The following STEAP4 variants were observed in gnomAD, a reference collection of about 807,000 sequenced individuals.
STEAP4 encodes metalloreductase STEAP4.
Under a neutral mutation model 43.6 loss-of-function variants are expected in STEAP4, and 36 were observed. The ratio of observed to expected loss-of-function variants is 0.83; its 90% CI spans 0.63 to 1.09. STEAP4 has a LOEUF of 1.09. Ranked by LOEUF, STEAP4 falls within the 50% of genes least tolerant of loss-of-function variation. STEAP4 has a pLI of 0.00. For synonymous variants in STEAP4, 191 were observed against 196.7 expected (o/e 0.97, Z 0.24); for missense variants, 495 against 546.5 (o/e 0.91, Z 0.94).
At chr7:88,299,872 G>A (rs1346214489) in intron 1 of STEAP4, among the ~76,000 whole-genome samples, 1 of 152,158 alleles carries the variant, frequency 6.6e-6, no homozygotes, top group Non-Finnish European at 1.5e-5. Context: ...TCTGCTTTAA[G>A]GTATCTCCCA....
At chr7:88,298,564 A>G (rs1040968644) in intron 1 of STEAP4, among the ~76,000 whole-genome samples, 8 of 151,470 alleles carry the variant, frequency 5.3e-5, no homozygotes, top group African/African-American at 1.7e-4. Context: ...AGCTTATCCA[A>G]ACTAATTTTC....
chr7:88,298,460 C>G (rs925392251), intron 1 of STEAP4: 8 of 128,922 alleles, frequency 6.2e-5, no homozygotes, highest in African/African-American at 2.5e-4. Context: ...CAAACTGGTT[C>G]TTGTAAACAC....
At chr7:88,284,364 CTTG>C in intron 1 of STEAP4, 93 bp from the exon 2 acceptor site, 2 of 934,530 alleles carry the variant, frequency 2.1e-6, no homozygotes, top group South Asian at 1.8e-5. Context: ...ATGTAATTGA[CTTG>C]TTGTAATCTA....
chr7:88,288,153 A>G (rs1852768038), intron 1 of STEAP4, among the ~76,000 whole-genome samples: 1 of 152,196 alleles, frequency 6.6e-6, no homozygotes, highest in Non-Finnish European at 1.5e-5. Context: ...TAAATTCAAA[A>G]TAAATTAAAG....
At chr7:88,305,866 GT>G (rs1853120737) in intron 1 of STEAP4, among the ~76,000 whole-genome samples, 1 of 152,082 alleles carries the variant, frequency 6.6e-6, no homozygotes, top group Non-Finnish European at 1.5e-5. Context: ...AGATAATGAG[GT>G]TCTAGTTATT....
At chr7:88,294,080 A>C (rs1023193725) in intron 1 of STEAP4, among the ~76,000 whole-genome samples, 1 of 152,196 alleles carries the variant, frequency 6.6e-6, no homozygotes, top group African/African-American at 2.4e-5. Flanking sequence ...CTAAAAAATT[A>C]ATTCATACAA....
At chr7:88,290,991 G>C (rs150937852) in intron 1 of STEAP4, 12 of 152,230 alleles carry the variant, frequency 7.9e-5, no homozygotes, top group African/African-American at 2.6e-4. Flanking sequence ...ATGAATTCCT[G>C]CATCTCAAAA....
At position 88,273,522 on chromosome 7, in the gene STEAP4, G is replaced by GTC. The variant is rs1852470579; in HGVS notation, c.*5875_*5876insGA. 1 of 152,098 alleles carries GTC rather than the reference G, an allele frequency of 6.6e-6. No individual in the cohort carries two copies. The highest frequency in any genetic ancestry group is 2.4e-5 in the African/African-American group (1 of 41,414). The allele number at this position is 152,098 out of a possible 1,614,324, so 9.4% of individuals were successfully genotyped here. ...GCCTGGTGTGTGTGTGTGTGTGTGTGTGTAACCCTAGATTCTTCAACTAGT... is the reference window on the plus strand; with the variant it reads ...GCCTGGTGTGTGTGTGTGTGTGTGTGTCTGTAACCCTAGATTCTTCAACTAGT... On this transcript the variant is annotated 3_prime_UTR_variant, in exon 5 of 5. Transcript: ENST00000380079.
chr7:88,283,242 A>T, intron 2 of STEAP4, 74 bp from the exon 3 acceptor site: 1 of 1,412,330 alleles, frequency 7.1e-7, no homozygotes, highest in Non-Finnish European at 9.4e-7. Flanking sequence ...AAAGGCTACA[A>T]CAGCACCATG....
At chr7:88,290,045 C>G (rs934295838) in intron 1 of STEAP4, among the ~76,000 whole-genome samples, 15 of 152,170 alleles carry the variant, frequency 9.9e-5, no homozygotes, top group African/African-American at 3.6e-4. Context: ...TTTTTATTCT[C>G]TCTTTCATAC....
At position 88,279,425 on chromosome 7, in the gene STEAP4, CT is replaced by C; in HGVS notation, c.1352del (p.Gln451ArgfsTer20). ...CVDNTLTRIR[Q>X]GWERNSKH ...AGTGTTTTGAGTTCCTTTCCCAGCCCTGGCGGATCCTTGTAAGGGTGTTGTC... is the reference window on the plus strand; with the variant it reads ...AGTGTTTTGAGTTCCTTTCCCAGCCCGGCGGATCCTTGTAAGGGTGTTGTC... On this transcript the variant is annotated frameshift_variant, in exon 5 of 5. Transcript: ENST00000380079. LOFTEE classifies it high-confidence loss of function. 1.2e-6 allele frequency: 2 copies of C among 1,614,110 alleles called. No homozygotes were observed. The highest frequency in any genetic ancestry group is 1.7e-6 in the Non-Finnish European group (2 of 1,179,998).
intron 1 of STEAP4, among the ~76,000 whole-genome samples, chr7:88,286,609 G>A (rs1229459213): frequency 6.6e-6 from 1 of 152,178 alleles, no homozygotes; most frequent in Non-Finnish European, 1.5e-5. Context: ...CTACTCTGAG[G>A]CTGAGGCATG....
At chr7:88,282,386 A>T in intron 3 of STEAP4, 2 of 497,992 alleles carry the variant, frequency 4.0e-6, no homozygotes, top group Non-Finnish European at 7.1e-6. Context: ...TGACCACATG[A>T]TTCACCTGCC....
At chr7:88,283,326 T>C in intron 2 of STEAP4, 158 bp from the exon 3 acceptor site, 1 of 813,440 alleles carries the variant, frequency 1.2e-6, no homozygotes, top group Non-Finnish European at 1.8e-6. Flanking sequence ...CAAGATGTTT[T>C]AAACTTGTAT....
intron 1 of STEAP4, among the ~76,000 whole-genome samples, chr7:88,288,068 G>A (rs1355047895): frequency 6.6e-6 from 1 of 151,956 alleles, no homozygotes; most frequent in Non-Finnish European, 1.5e-5. Flanking sequence ...TTGCAAAGGT[G>A]GTTTCAACGT....
At chr7:88,289,572 C>T (rs751264227) in intron 1 of STEAP4, among the ~76,000 whole-genome samples, 6 of 152,268 alleles carry the variant, frequency 3.9e-5, no homozygotes, top group African/African-American at 7.2e-5. Flanking sequence ...TGAAGTTGCA[C>T]GCCTCCATCA....
At position 88,276,335 on chromosome 7, in the gene STEAP4, T is replaced by C; in HGVS notation, c.*3063A>G. 1 of 152,240 alleles carries C rather than the reference T, an allele frequency of 6.6e-6. No homozygotes were observed. Among genetic ancestry groups the C allele is most frequent in the Non-Finnish European group, 1.5e-5 (1 of 68,040 alleles). The allele number at this position is 152,240 out of a possible 1,614,324, so 9.4% of individuals were successfully genotyped here. ...TATCCCTGAAGGGAAGTATTTTTAG[T>C]CCCAGATGCTGGAACTACTGTGATT... is the stretch of plus-strand genomic sequence containing the variant. On this transcript the variant is annotated 3_prime_UTR_variant, in exon 5 of 5. Transcript: ENST00000380079.
chr7:88,301,941 G>T (rs1304716605), intron 1 of STEAP4, among the ~76,000 whole-genome samples: 1 of 152,200 alleles, frequency 6.6e-6, no homozygotes, highest in African/African-American at 2.4e-5. Context: ...CTACAATACA[G>T]TATAGCAACA....
In STEAP4 at chr7:88,278,576, G is replaced by A. The variant is rs1207891767; in HGVS notation, c.*822C>T. 5 of 152,290 alleles carry A rather than the reference G, an allele frequency of 3.3e-5. No individual in the cohort carries two copies. Among genetic ancestry groups the A allele is most frequent in the African/African-American group, 4.8e-5 (2 of 41,566 alleles). 9.4% of individuals were successfully genotyped at this position (152,290 alleles called of 1,614,324 possible). On this transcript the variant is annotated 3_prime_UTR_variant, in exon 5 of 5. Transcript: ENST00000380079. The stretch of plus-strand genomic sequence containing the variant: ...TTTTACAATATTTATTTAGCTTGCT[G>A]TCTAAAATTCTGGTTTCTTTGAACT...
Sources: gnomAD v4.1 joint callset for allele counts (sites outside exome capture counted in the v4.1 genomes callset) on GRCh38, gnomAD v4.1.1 for gene constraint, MANE v1.5 for transcripts, NCBI Gene and HGNC (gene_info 2026-07-23, HGNC 2026-07-21) for gene names.